The following MMP16 variants were observed in gnomAD, a reference collection of about 807,000 sequenced individuals.
The protein encoded by MMP16 is matrix metalloproteinase-16.
In MMP16, 12 loss-of-function variants were observed where a neutral mutation model predicts 67.8. That is an observed-to-expected ratio of 0.18 (90% confidence interval 0.11 to 0.29). The LOEUF (loss-of-function observed/expected upper bound fraction) is 0.29. MMP16 is among the 10% of genes least tolerant of loss of function. The pLI, the probability that MMP16 is intolerant of heterozygous loss-of-function variation, is 1.00. For missense variants in MMP16, 475 were observed against 765.7 expected (o/e 0.62, Z 4.48); for synonymous variants, 249 against 255.9 (o/e 0.97, Z 0.26).
chr8:88,274,333 A>C (rs559147564), intron 1 of MMP16, among the ~76,000 whole-genome samples: 23 of 152,248 alleles, frequency 1.5e-4, no homozygotes, highest in African/African-American at 5.5e-4. Context: ...AATGTCTTTC[A>C]ATTATTACCC....
At chr8:88,217,669 A>T (rs1586210053) in intron 1 of MMP16, among the ~76,000 whole-genome samples, 1 of 152,034 alleles carries the variant, frequency 6.6e-6, no homozygotes, top group Admixed American at 6.6e-5. Context: ...ACAGTTGAAG[A>T]TGTTCTCATC....
chr8:88,290,185 T>G (rs1810904176), intron 1 of MMP16, among the ~76,000 whole-genome samples: 1 of 152,162 alleles, frequency 6.6e-6, no homozygotes, highest in Non-Finnish European at 1.5e-5. Context: ...ACACCCATAT[T>G]ATGGATAAGT....
intron 1 of MMP16, among the ~76,000 whole-genome samples, chr8:88,248,448 A>G (rs1265455156): frequency 6.6e-6 from 1 of 152,108 alleles, no homozygotes; most frequent in Non-Finnish European, 1.5e-5. Context: ...GTAAGGAATA[A>G]AAGGATGGAA....
In MMP16 at chr8:88,167,348, A is replaced by C. The variant is rs1231003003; in HGVS notation, c.709+321T>G. On this transcript the variant is annotated intron_variant, in intron 4 of 9. Coordinates refer to ENST00000286614, the MANE Select transcript of MMP16 (RefSeq NM_005941.5). The stretch of plus-strand genomic sequence containing the variant: ...GCAAAAAAAACAGCAGAATTTTCTT[A>C]ATATGTATTTCATGACTTAAATACT... Among the ~76,000 whole-genome samples the C allele has an allele frequency of 2.6e-5, 4 of 152,288 alleles. No homozygotes were observed. The East Asian group carries it at 7.7e-4, about 29-fold the overall frequency.
intron 7 of MMP16, among the ~76,000 whole-genome samples, chr8:88,065,790 A>G (rs1808456460): frequency 6.6e-6 from 1 of 152,122 alleles, no homozygotes; most frequent in Non-Finnish European, 1.5e-5. Flanking sequence ...TGAGCAGCAT[A>G]AAGAAATTGC....
At chr8:88,165,355 A>G (rs1042720486) in intron 4 of MMP16, among the ~76,000 whole-genome samples, 7 of 151,934 alleles carry the variant, frequency 4.6e-5, no homozygotes, top group Non-Finnish European at 8.8e-5. Context: ...AAGAGGTCAC[A>G]AAGCCAAATT....
intron 3 of MMP16, among the ~76,000 whole-genome samples, chr8:88,174,466 T>C (rs1808852867): frequency 6.6e-6 from 1 of 152,214 alleles, no homozygotes; most frequent in Non-Finnish European, 1.5e-5. Flanking sequence ...AATGAATTTA[T>C]TCAACAACCA....
At chr8:88,053,458 C>T (rs1808294250) in intron 8 of MMP16, among the ~76,000 whole-genome samples, 1 of 152,184 alleles carries the variant, frequency 6.6e-6, no homozygotes, top group Non-Finnish European at 1.5e-5. Flanking sequence ...CACCTGATCT[C>T]TTTAAGGACT....
At chr8:88,175,874 T>C (rs1009904911) in intron 3 of MMP16, among the ~76,000 whole-genome samples, 2 of 152,162 alleles carry the variant, frequency 1.3e-5, no homozygotes, top group African/African-American at 2.4e-5. Flanking sequence ...TTATAAAGGA[T>C]TGTTATTTTA....
intron 1 of MMP16, among the ~76,000 whole-genome samples, chr8:88,294,438 G>A (rs557307375): frequency 1.4e-5 from 2 of 147,498 alleles, no homozygotes; most frequent in Non-Finnish European, 3.1e-5. Context: ...ATATGTATAT[G>A]TCTATATACA....
intron 1 of MMP16, among the ~76,000 whole-genome samples, chr8:88,252,934 T>C (rs1226898815): frequency 6.6e-6 from 1 of 152,116 alleles, no homozygotes; most frequent in Non-Finnish European, 1.5e-5. Flanking sequence ...AAATGAATAG[T>C]AGATTTGATC....
chr8:88,308,672 T>A (rs569163201), intron 1 of MMP16, among the ~76,000 whole-genome samples: 1 of 152,196 alleles, frequency 6.6e-6, no homozygotes, highest in East Asian at 1.9e-4. Context: ...TATCAAAGAT[T>A]CATGCACATA....
Position 88,116,621 on chromosome 8 carries a change from T to A in MMP16, c.969A>T (p.Pro323=), listed in dbSNP as rs1229568696. Residue 323 remains proline (P), a synonymous_variant, in exon 6 of 10, where the codon CCA becomes CCT. Transcript: ENST00000286614. Reference sequence around the variant, plus strand: ...TGCCGGTTGGAGGCCGAGGAGGTTTTGGCCTGTCATTTTTCCTTGGGTCAG... The same window carrying A: ...TGCCGGTTGGAGGCCGAGGAGGTTTAGGCCTGTCATTTTTCCTTGGGTCAG... ...PPADPRKNDR[P]KPPRPPTGRP... 5 of 1,613,782 alleles carry A rather than the reference T, an allele frequency of 3.1e-6. No homozygotes were observed. The highest frequency in any genetic ancestry group is 4.2e-6 in the Non-Finnish European group (5 of 1,179,892).
chr8:88,167,578 T>A (rs1808734740), intron 4 of MMP16, 91 bp downstream of exon 4: 2 of 1,261,660 alleles, frequency 1.6e-6, no homozygotes, highest in Admixed American at 2.5e-5. Context: ...AAATTTAGGA[T>A]CTATACCTTA....
intron 1 of MMP16, among the ~76,000 whole-genome samples, chr8:88,201,244 T>C (rs1250700810): frequency 6.7e-6 from 1 of 149,458 alleles, no homozygotes; most frequent in African/African-American, 2.5e-5. Context: ...ATTATAGAAA[T>C]AATTGAAGGG....
Position 88,273,248 on chromosome 8 carries a change from CT to C in MMP16, c.132+53826del, listed in dbSNP as rs575063640. On this transcript the variant is annotated intron_variant, in intron 1 of 9. Transcript: ENST00000286614. ...TACAGGCACGTGCCACCATGCCTGG[CT>C]TTTTTTTTTTTTTTGTATTTTTAGT... is the stretch of plus-strand genomic sequence containing the variant. 2.0e-3 allele frequency among the ~76,000 whole-genome samples: 260 copies of C among 132,288 alleles called. 1 individual carries two copies. The highest frequency in any genetic ancestry group is 9.1e-3 in the East Asian group (40 of 4,406). 86.8% of individuals were successfully genotyped at this position (132,288 alleles called of 152,430 possible).
intron 2 of MMP16, among the ~76,000 whole-genome samples, chr8:88,194,407 T>C (rs1563558830): frequency 6.6e-6 from 1 of 152,004 alleles, no homozygotes; most frequent in South Asian, 2.1e-4. Flanking sequence ...ACCTTATAAT[T>C]TGACCGTAAT....
rs1323032130 is a variant in MMP16 at position 88,046,681 on chromosome 8, G to A, written c.1477C>T (p.His493Tyr). ...IPESPQGAFV[H>Y]KENGFTYFYK... is the part of the protein sequence containing the mutation. ...ACATGTTGCATACCATTTTCTTTGT[G>A]TACAAATGCTCCCTGAGGAGATTCA... Residue 493 changes from histidine (H) to tyrosine (Y), a missense_variant, in exon 9 of 10, where the codon CAC becomes TAC. By Grantham distance (83) the His-to-Tyr change is moderately conservative. Around this residue, in one of 5 missense-constraint regions of MMP16, gnomAD observed 23 missense variants for 79.1 expected, o/e 0.29. Coordinates refer to ENST00000286614, the MANE Select transcript of MMP16 (RefSeq NM_005941.5). 2.5e-6 allele frequency: 4 copies of A among 1,598,592 alleles called. No homozygotes were observed. The Admixed American group carries it at 7.1e-5, about 28-fold the overall frequency.
At chr8:88,193,715 A>C (rs550301751) in intron 2 of MMP16, among the ~76,000 whole-genome samples, 1 of 152,182 alleles carries the variant, frequency 6.6e-6, no homozygotes, top group Admixed American at 6.5e-5. Context: ...AATATATAGG[A>C]CTATTATATA....
Sources: allele counts gnomAD v4.1 joint callset (sites outside exome capture counted in the v4.1 genomes callset), GRCh38; gene constraint gnomAD v4.1.1; regional missense constraint gnomAD v4.1.1; transcripts MANE v1.5; gene names NCBI Gene and HGNC (gene_info 2026-07-23, HGNC 2026-07-21).